Variants in MYO18A observed in about 807,000 individuals in gnomAD.
The protein encoded by MYO18A is myosin XVIIIA.
MYO18A carries 78 observed loss-of-function variants against 235.8 expected under a neutral mutation model. That is an observed-to-expected ratio of 0.33 (90% CI 0.28 to 0.40). The LOEUF is 0.40. Among genes scored for constraint, MYO18A ranks in the 10% least tolerant of loss-of-function variants. MYO18A has a pLI of 1.00. For synonymous variants in MYO18A, 977 were observed against 1,077.8 expected (o/e 0.91, Z 1.83); for missense variants, 2,215 against 2,699.3 (o/e 0.82, Z 3.98).
Position 29,166,548 on chromosome 17 carries a change from G to A in MYO18A, c.393C>T (p.Asn131=), listed in dbSNP as rs564588434. The stretch of plus-strand genomic sequence containing the variant: ...AAAAGCGCTTGACAATCATCTGTGA[G>A]TTCTGCTTGGCCAGTGAGCCGAACT... ...AAKFGSLAKQ[N]SQMIVKRFSF... is the part of the protein sequence containing the mutation. The change falls in exon 2 of 42, where the codon AAC becomes AAT. Residue 131 remains asparagine (N), a synonymous_variant. Transcript: ENST00000527372. 9.3e-6 allele frequency: 15 copies of A among 1,613,700 alleles called. No homozygotes were observed. The highest frequency in any genetic ancestry group is 1.3e-5 in the Non-Finnish European group (15 of 1,179,890).
In MYO18A at chr17:29,180,372, G is replaced by C. The variant is rs1284503871; in HGVS notation, c.-141C>G. 1 of 151,986 alleles carries C rather than the reference G, an allele frequency of 6.6e-6. No individual in the cohort carries two copies. Among genetic ancestry groups the C allele is most frequent in the Non-Finnish European group, 1.5e-5 (1 of 67,982 alleles). The allele number at this position is 151,986 out of a possible 1,614,324, so 9.4% of individuals were successfully genotyped here. On this transcript the variant is annotated 5_prime_UTR_variant, in exon 1 of 42. Transcript: ENST00000527372. The surrounding 1 kb of genome is among the most constrained non-coding windows in gnomAD (Gnocchi z 6.1). ...CGGAGACGCGGCATCCAGCAGCCTC[G>C]GCCCGGTCAGGGATGGAGCAGAGCG...
At chr17:29,161,507 CAA>C (rs34979528) in intron 2 of MYO18A, among the ~76,000 whole-genome samples, 71 of 118,190 alleles carry the variant, frequency 6.0e-4, no homozygotes, top group Admixed American at 5.4e-4. Context: ...GACCCTGTCT[CAA>C]AAAAAAAAAA....
chr17:29,168,225 T>C (rs994055835), intron 1 of MYO18A, among the ~76,000 whole-genome samples: 3 of 151,934 alleles, frequency 2.0e-5, no homozygotes, highest in Non-Finnish European at 4.4e-5. Context: ...AAAATTCACA[T>C]CCTTTTCCCC....
chr17:29,116,457 T>C lies in MYO18A; in HGVS notation c.2039-2A>G, dbSNP rs1376695757. On this transcript the variant is annotated splice_acceptor_variant, in intron 10 of 41. Coordinates refer to ENST00000527372, the MANE Select transcript of MYO18A (RefSeq NM_078471.4). LOFTEE classifies it high-confidence loss of function. ...ACAAGGTTTTACCTTCAGCAGCTTC[T>C]GTAAGGCAAAGGACCAGCATGCAGC... 1.2e-6 allele frequency: 2 copies of C among 1,613,998 alleles called. No individual in the cohort carries two copies. The highest frequency in any genetic ancestry group is 1.7e-6 in the Non-Finnish European group (2 of 1,179,884).
At chr17:29,127,687 G>A (rs1220163834) in intron 2 of MYO18A, among the ~76,000 whole-genome samples, 2 of 152,252 alleles carry the variant, frequency 1.3e-5, no homozygotes, top group Non-Finnish European at 2.9e-5. Context: ...CATTGGGTTA[G>A]GGAAAGCCAT....
At chr17:29,165,821 T>TC in intron 2 of MYO18A, 121 bp downstream of exon 2, 1 of 950,822 alleles carries the variant, frequency 1.1e-6, no homozygotes, top group Non-Finnish European at 1.6e-6. Context: ...CAGCAGGGCT[T>TC]CCCCACTTAC....
rs376612385 is a variant in MYO18A, at chr17:29,073,947, G to C, written c.*823C>G. 4 of 1,614,146 alleles carry C rather than the reference G, an allele frequency of 2.5e-6. No homozygotes were observed. Among genetic ancestry groups the C allele is most frequent in the Non-Finnish European group, 3.4e-6 (4 of 1,180,022 alleles). ...GTGCTTGGATCAGCCCTGAACTGCT[G>C]TAGTTGGAATGGGTTTACCTTAAAT... On this transcript the variant is annotated 3_prime_UTR_variant, in exon 42 of 42. Coordinates refer to ENST00000527372, the MANE Select transcript of MYO18A (RefSeq NM_078471.4).
rs8076604 is a variant in MYO18A at position 29,111,451 on chromosome 17, G to A, written c.2873C>T (p.Ala958Val). 0.46 allele frequency: 738,406 copies of A among 1,610,782 alleles called. 173,425 individuals carry two copies. The highest frequency in any genetic ancestry group is 0.85 in the East Asian group (38,226 of 44,786). ...YTKQNPATQN[A>V]PRLLQDSQKK... Reference sequence around the variant, plus strand: ...CTGGGAGTCCTGCAGGAGCCGGGGGGCATTCTGGGTGGCTGGGTTCTGCTT... The same window carrying A: ...CTGGGAGTCCTGCAGGAGCCGGGGGACATTCTGGGTGGCTGGGTTCTGCTT... Residue 958 changes from alanine (A) to valine (V), a missense_variant, in exon 17 of 42, where the codon GCC (alanine) becomes GTC (valine). By Grantham distance (64) the Ala-to-Val change is moderately conservative. Transcript: ENST00000527372. The surrounding 1 kb of genome is among the most constrained non-coding windows in gnomAD (Gnocchi z 5.1).
chr17:29,102,233 G>A (rs2066672007), intron 21 of MYO18A, among the ~76,000 whole-genome samples: 1 of 152,228 alleles, frequency 6.6e-6, no homozygotes, highest in Admixed American at 6.5e-5. Context: ...TCAGCTTGTA[G>A]AGGCCCTTTC....
Position 29,085,626 on chromosome 17 carries a change from A to G in MYO18A, c.5875T>C (p.Tyr1959His). The G allele has an allele frequency of 1.2e-6, 2 of 1,614,018 alleles. No individual in the cohort carries two copies. The highest frequency in any genetic ancestry group is 1.7e-6 in the Non-Finnish European group (2 of 1,179,878). ...CACAGTTTATTCTTTCTTTTCTGATACTTTGTCACCATGTCCTGCAAACTG... is the reference window on the plus strand; with the variant it reads ...CACAGTTTATTCTTTCTTTTCTGATGCTTTGTCACCATGTCCTGCAAACTG... Reference protein sequence around the residue: ...INSLQDMVTKYQKRKNKLEGD... With the variant: ...INSLQDMVTKHQKRKNKLEGD... Residue 1959 changes from tyrosine to histidine, a missense_variant, in exon 40 of 42, where the codon TAT (tyrosine) becomes CAT (histidine). By Grantham distance (83) the Tyr-to-His change is moderately conservative. Transcript: ENST00000527372.
chr17:29,131,936 T>C lies in MYO18A; in HGVS notation c.1000-9683A>G, dbSNP rs1026681714. Among the ~76,000 whole-genome samples the C allele has an allele frequency of 2.5e-4, 38 of 152,368 alleles. 1 individual carries two copies. The highest frequency in any genetic ancestry group is 3.4e-3 in the Middle Eastern group (1 of 294). On this transcript the variant is annotated intron_variant, in intron 2 of 41. Transcript: ENST00000527372. ...GAGTAGAGTGAAGGTTGGCCCCTAC[T>C]GGGCTGGCTCTGGCTTACTTCTTGA... is the stretch of plus-strand genomic sequence containing the variant.
At chr17:29,165,843 C>T (rs983336993) in intron 2 of MYO18A, 99 bp downstream of exon 2, 3 of 1,157,580 alleles carry the variant, frequency 2.6e-6, no homozygotes, top group African/African-American at 1.7e-5. Flanking sequence ...CACTGCTAGG[C>T]TCTGATAACA....
At chr17:29,114,618 C>T (rs1427819646) in intron 14 of MYO18A, among the ~76,000 whole-genome samples, 1 of 152,340 alleles carries the variant, frequency 6.6e-6, no homozygotes, top group East Asian at 1.9e-4. Flanking sequence ...GCAGGAACCA[C>T]ACAGTGGCAA....
In MYO18A at chr17:29,109,085, C is replaced by G. The variant is rs918865482; in HGVS notation, c.3331+773G>C. Among the ~76,000 whole-genome samples, 4 of 151,840 alleles carry G rather than the reference C, an allele frequency of 2.6e-5. No individual in the cohort carries two copies. Among genetic ancestry groups the G allele is most frequent in the African/African-American group, 9.7e-5 (4 of 41,308 alleles). ...GGGACCTGGCTGTGGGTGGGTGGGACCCTACCTGCTCTTCTAGTGAAGGAG... is the reference window on the plus strand; with the variant it reads ...GGGACCTGGCTGTGGGTGGGTGGGAGCCTACCTGCTCTTCTAGTGAAGGAG... On this transcript the variant is annotated intron_variant, in intron 19 of 41. Coordinates refer to ENST00000527372, the MANE Select transcript of MYO18A (RefSeq NM_078471.4). This position sits in a 1 kb window ranked among gnomAD's most constrained non-coding sequence, Gnocchi z 4.1.
At chr17:29,152,101 G>GT (rs1226081128) in intron 2 of MYO18A, among the ~76,000 whole-genome samples, 3 of 152,162 alleles carry the variant, frequency 2.0e-5, no homozygotes, top group Non-Finnish European at 4.4e-5. Context: ...CACTGGAGAG[G>GT]TTTTGCTGCA....
In MYO18A at chr17:29,170,015, G is replaced by C. The variant is rs886934296; in HGVS notation, c.-81-2994C>G. Among the ~76,000 whole-genome samples, 3 of 152,206 alleles carry C rather than the reference G, an allele frequency of 2.0e-5. 1 individual carries two copies. The highest frequency in any genetic ancestry group is 2.0e-4 in the Admixed American group (3 of 15,278). ...GCAGCACAAGGGATGGCGCTGGCCAGAAGTTTCAGGAGATTTGGTATCTAG... is the reference window on the plus strand; with the variant it reads ...GCAGCACAAGGGATGGCGCTGGCCACAAGTTTCAGGAGATTTGGTATCTAG... On this transcript the variant is annotated intron_variant, in intron 1 of 41. Transcript: ENST00000527372.
intron 41 of MYO18A, chr17:29,079,613 C>T: frequency 1.4e-6 from 1 of 729,694 alleles, no homozygotes; most frequent in Non-Finnish European, 1.7e-6. Flanking sequence ...CGAGGCCAGG[C>T]ATGCCCGAGA....
chr17:29,164,870 G>A (rs2068246670), intron 2 of MYO18A, among the ~76,000 whole-genome samples: 1 of 152,160 alleles, frequency 6.6e-6, no homozygotes. Flanking sequence ...GGGCAGCTGG[G>A]GTCTCAGTGA....
At position 29,121,864 on chromosome 17, in the gene MYO18A, T is replaced by A. The variant is rs371251208; in HGVS notation, c.1181A>T (p.Asp394Val). The A allele has an allele frequency of 2.7e-5, 43 of 1,612,992 alleles. No homozygotes were observed. Among genetic ancestry groups the A allele is most frequent in the East Asian group, 4.5e-5 (2 of 44,870 alleles). Reference protein sequence around the residue: ...HDGAILDVDEDDVEKANAPSC... With the variant: ...HDGAILDVDEVDVEKANAPSC... ...CTGCCCACCTACCTTCTCAACGTCA[T>A]CCTCATCCACATCCAGGATGGCCCC... The change falls in exon 4 of 42, where the codon GAT (aspartate) becomes GTT (valine). Residue 394 changes from aspartate (D) to valine (V), a missense_variant. Physicochemically the swap from Asp to Val is radical, Grantham distance 152. Transcript: ENST00000527372. The surrounding 1 kb of genome is among the most constrained non-coding windows in gnomAD (Gnocchi z 4.2).
Sources: gnomAD v4.1 joint callset for allele counts (sites outside exome capture counted in the v4.1 genomes callset) on GRCh38, gnomAD v4.1.1 for gene constraint, Gnocchi (gnomAD v3.1) non-coding constraint, MANE v1.5 for transcripts, NCBI Gene and HGNC (gene_info 2026-07-23, HGNC 2026-07-21) for gene names.